The following PTPRS variants were observed in gnomAD, a reference collection of about 807,000 sequenced individuals.
PTPRS encodes the protein receptor-type tyrosine-protein phosphatase S.
Under a neutral mutation model 215.3 loss-of-function variants are expected in PTPRS, and 63 were observed. That is an observed-to-expected ratio of 0.29 (90% CI 0.24 to 0.36). PTPRS has a LOEUF of 0.36. PTPRS is among the 10% of genes least tolerant of loss of function. The pLI, the probability that PTPRS is intolerant of heterozygous loss-of-function variation, is 1.00. For synonymous variants in PTPRS, 1,404 were observed against 1,191.4 expected (o/e 1.18, Z -3.68); for missense variants, 2,258 against 2,825.8 (o/e 0.80, Z 4.56).
At chr19:5,273,306 T>C (rs1308833365) in intron 4 of PTPRS, 136 bp downstream of exon 4, 3 of 1,222,436 alleles carry the variant, frequency 2.5e-6, no homozygotes, top group Admixed American at 1.7e-5. Context: ...TGTTACTGGT[T>C]GGATAAGGGA....
At chr19:5,278,699 T>G (rs1278780876) in intron 2 of PTPRS, among the ~76,000 whole-genome samples, 2 of 151,842 alleles carry the variant, frequency 1.3e-5, no homozygotes, top group Non-Finnish European at 2.9e-5. Flanking sequence ...GGTCTCAAAC[T>G]CTTGGCCTCA....
At chr19:5,229,715 GCGGAGCCGTTACCAGGGCGCC>G (rs2042855673) in intron 14 of PTPRS, 31 bp from the exon 15 acceptor site, 1 of 1,220,600 alleles carries the variant, frequency 8.2e-7, no homozygotes, top group Non-Finnish European at 1.0e-6. Flanking sequence ...GGAGGGGCGG[GCGGAGCCGTTACCAGGGCGCC>G]CGGCCCTGCC....
chr19:5,332,018 G>C (rs142281478), intron 1 of PTPRS, among the ~76,000 whole-genome samples: 1 of 152,274 alleles, frequency 6.6e-6, no homozygotes, highest in Non-Finnish European at 1.5e-5. Flanking sequence ...GGAGGTGTCA[G>C]AAGTCACGCA....
chr19:5,298,901 G>A (rs1469182999), intron 1 of PTPRS, among the ~76,000 whole-genome samples: 1 of 152,282 alleles, frequency 6.6e-6, no homozygotes, highest in Middle Eastern at 3.4e-3. Flanking sequence ...CTGGAAGCTG[G>A]CCCTCACTGC....
rs1485618018 is a variant in PTPRS at position 5,255,980 on chromosome 19, T to A, written c.718+128A>T. On this transcript the variant is annotated intron_variant, in intron 9 of 37. Transcript: ENST00000262963. ...CTTTTAAAATTGTTGTTCATTTTTC[T>A]ATTTTTTTTCCGTGTGTGTGTCAGC... 9.3e-5 allele frequency: 57 copies of A among 610,726 alleles called. No individual in the cohort carries two copies. The East Asian group carries it at 2.1e-3, about 22-fold the overall frequency. 37.8% of individuals were successfully genotyped at this position (610,726 alleles called of 1,614,324 possible). A position where few individuals can be genotyped will look rare whatever the true frequency, so the allele number is the denominator to read the frequency against.
chr19:5,337,498 G>C (rs1361540505), intron 1 of PTPRS, among the ~76,000 whole-genome samples: 1 of 152,208 alleles, frequency 6.6e-6, no homozygotes, highest in Non-Finnish European at 1.5e-5. Context: ...CCCCATCTTG[G>C]CAAGTGGAGG....
chr19:5,266,920 C>G (rs569451311), intron 4 of PTPRS, among the ~76,000 whole-genome samples: 1 of 152,158 alleles, frequency 6.6e-6, no homozygotes, highest in Non-Finnish European at 1.5e-5. Context: ...CCACCTGGGA[C>G]TAGCTCCAAC....
intron 16 of PTPRS, 108 bp downstream of exon 16, chr19:5,229,208 G>A (rs1183376533): frequency 1.7e-6 from 2 of 1,205,908 alleles, no homozygotes; most frequent in Non-Finnish European, 2.1e-6. Context: ...AGGGCCCAGA[G>A]GAGGAGACCG....
intron 1 of PTPRS, among the ~76,000 whole-genome samples, chr19:5,308,369 C>T (rs1270998409): frequency 6.6e-6 from 1 of 152,162 alleles, no homozygotes; most frequent in Non-Finnish European, 1.5e-5. Context: ...AATCATCCAT[C>T]GTCCCCCCAG....
At chr19:5,303,673 A>T (rs1318299953) in intron 1 of PTPRS, among the ~76,000 whole-genome samples, 3 of 151,794 alleles carry the variant, frequency 2.0e-5, no homozygotes, top group African/African-American at 7.3e-5. Flanking sequence ...AGGAGTGAGG[A>T]CCACGGTGGC....
At chr19:5,275,382 T>C (rs553375594) in intron 2 of PTPRS, among the ~76,000 whole-genome samples, 30 of 98,376 alleles carry the variant, frequency 3.0e-4, no homozygotes, top group Non-Finnish European at 6.3e-4. Context: ...CTTTTCTTTT[T>C]CTTTTCTTTT....
rs763990675 is a variant in PTPRS, at chr19:5,221,131, G to C, written c.3324C>G (p.Gly1108=). Residue 1108 remains glycine (G), a synonymous_variant, in exon 20 of 38, where the codon GGC becomes GGG. Transcript: ENST00000262963. ...TCCAGGCGGTGACCGTCTGCTGGAG[G>C]CCGCCCAGGCTGCTGCCGCGATTGG... ...VLTNRGSSLG[G]LQQTVTAWTA... 6.2e-7 allele frequency: 1 copy of C among 1,614,042 alleles called. No homozygotes were observed. The highest frequency in any genetic ancestry group is 1.1e-5 in the South Asian group (1 of 91,074).
At chr19:5,267,413 T>G (rs889877817) in intron 4 of PTPRS, among the ~76,000 whole-genome samples, 1 of 152,026 alleles carries the variant, frequency 6.6e-6, no homozygotes, top group Admixed American at 6.6e-5. Flanking sequence ...TCCCAGCACT[T>G]TGGGAGGACG....
chr19:5,216,713 A>G lies in PTPRS; in HGVS notation c.4096+7T>C. ...AAAGGAAGCCAAAAACAGACACAAG[A>G]ACTAACTTTCAAAGTGAAACCCCGG... On this transcript the variant is annotated splice_region_variant and intron_variant, in intron 26 of 37. Coordinates refer to ENST00000262963, the MANE Select transcript of PTPRS (RefSeq NM_002850.4). 1 of 1,559,288 alleles carries G rather than the reference A, an allele frequency of 6.4e-7. No homozygotes were observed. Among genetic ancestry groups the G allele is most frequent in the Admixed American group, 1.9e-5 (1 of 53,814 alleles).
At chr19:5,337,613 A>G (rs1029560187) in intron 1 of PTPRS, among the ~76,000 whole-genome samples, 5 of 152,230 alleles carry the variant, frequency 3.3e-5, no homozygotes, top group African/African-American at 1.2e-4. Context: ...GAGCAGAGAT[A>G]GATTTGCCTC....
At chr19:5,246,915 G>A (rs1435705990) in intron 9 of PTPRS, among the ~76,000 whole-genome samples, 6 of 152,016 alleles carry the variant, frequency 3.9e-5, no homozygotes, top group Non-Finnish European at 8.8e-5. Flanking sequence ...AAGAGAGAGC[G>A]AGCGAGAGAC....
At chr19:5,315,860 G>A (rs1043850302) in intron 1 of PTPRS, among the ~76,000 whole-genome samples, 17 of 151,612 alleles carry the variant, frequency 1.1e-4, no homozygotes, top group Admixed American at 3.3e-4. Flanking sequence ...GGAACTCCTG[G>A]CCCCAAGCGA....
At position 5,215,577 on chromosome 19, in the gene PTPRS, G is replaced by A. The variant is rs772736665; in HGVS notation, c.4115C>T (p.Pro1372Leu). The change falls in exon 27 of 38, where the codon CCA becomes CTA. Residue 1372 changes from proline (P) to leucine (L), a missense_variant. Pro to Leu is a moderately conservative substitution (Grantham distance 98). Transcript: ENST00000262963. ...CTCCGCCATGTCTGCGATGGGAATTGGCGGGTGGCTAAGCATGCCTACAGG... is the reference window on the plus strand; with the variant it reads ...CTCCGCCATGTCTGCGATGGGAATTAGCGGGTGGCTAAGCATGCCTACAGG... ...FHFESMLSHP[P>L]IPIADMAEHT... 1.2e-6 allele frequency: 2 copies of A among 1,609,294 alleles called. No individual in the cohort carries two copies. The highest frequency in any genetic ancestry group is 1.7e-6 in the Non-Finnish European group (2 of 1,177,130).
chr19:5,262,753 G>A (rs552326307), intron 6 of PTPRS, among the ~76,000 whole-genome samples: 1 of 151,924 alleles, frequency 6.6e-6, no homozygotes, highest in Non-Finnish European at 1.5e-5. Flanking sequence ...TTTTCCTTTG[G>A]GTTTCTTTCT....
Sources: allele counts gnomAD v4.1 joint callset (sites outside exome capture counted in the v4.1 genomes callset), GRCh38; gene constraint gnomAD v4.1.1; transcripts MANE v1.5; gene names NCBI Gene and HGNC (gene_info 2026-07-23, HGNC 2026-07-21).